GRAMD1C: variants seen among roughly 807,000 people sequenced by gnomAD.
The protein encoded by GRAMD1C is protein Aster-C.
In GRAMD1C, 89 loss-of-function variants were observed where a neutral mutation model predicts 97.8. The observed-to-expected ratio is 0.91, with a 90% CI of 0.77 to 1.09. GRAMD1C has a LOEUF of 1.09. Among genes scored for constraint, GRAMD1C ranks in the 50% least tolerant of loss-of-function variants. GRAMD1C has a pLI of 0.00. For synonymous variants in GRAMD1C, 256 were observed against 267.0 expected, an observed-to-expected ratio of 0.96 and a Z score of 0.40; for missense variants, 740 against 766.4, an observed-to-expected ratio of 0.97 and a Z score of 0.41.
chr3:113,872,414 A>C (rs1577147629), intron 3 of GRAMD1C, among the ~76,000 whole-genome samples: 1 of 75,066 alleles, frequency 1.3e-5, no homozygotes, highest in Non-Finnish European at 2.4e-5. Context: ...TTTTTTTTTG[A>C]GATAGAGTCT....
intron 10 of GRAMD1C, chr3:113,919,578 C>G: frequency 1.7e-6 from 1 of 573,990 alleles, no homozygotes; most frequent in South Asian, 1.4e-5. Flanking sequence ...CCATATGCAT[C>G]TGACATCGGT....
At chr3:113,900,104 A>G (rs1936106592) in intron 6 of GRAMD1C, among the ~76,000 whole-genome samples, 1 of 152,016 alleles carries the variant, frequency 6.6e-6, no homozygotes, top group Admixed American at 6.6e-5. Context: ...CACGCCTATA[A>G]TATCAGCATT....
chr3:113,885,761 A>C, intron 6 of GRAMD1C: 1 of 1,588,604 alleles, frequency 6.3e-7, no homozygotes, highest in Non-Finnish European at 8.6e-7. Context: ...TTAAGAGGAG[A>C]TATTACAGAC....
In GRAMD1C at chr3:113,901,096, T is replaced by A. The variant is rs1462034092; in HGVS notation, c.606T>A (p.Asn202Lys). 1 of 1,611,592 alleles carries A rather than the reference T, an allele frequency of 6.2e-7. No individual in the cohort carries two copies. The highest frequency in any genetic ancestry group is 8.5e-7 in the Non-Finnish European group (1 of 1,177,820). ...QQNYGTELGLNAEEMENLSLS... is the reference protein window; with the variant it reads ...QQNYGTELGLKAEEMENLSLS... ...ACTATGGCACTGAGCTAGGTTTAAATGCTGAGGAGATGGAAAACTTGTCAC... is the reference window on the plus strand; with the variant it reads ...ACTATGGCACTGAGCTAGGTTTAAAAGCTGAGGAGATGGAAAACTTGTCAC... The change falls in exon 7 of 18, where the codon AAT becomes AAA. Residue 202 changes from asparagine (N) to lysine (K), a missense_variant. Transcript: ENST00000358160.
chr3:113,897,838 AT>A, intron 6 of GRAMD1C: 1 of 766,776 alleles, frequency 1.3e-6, no homozygotes, highest in Non-Finnish European at 1.6e-6. Context: ...TGTGTTTAAA[AT>A]TTAGGTTGTT....
At position 113,843,106 on chromosome 3, in the gene GRAMD1C, G is replaced by C. The variant is rs945994385; in HGVS notation, c.28-1397G>C. On this transcript the variant is annotated intron_variant, in intron 1 of 17. Coordinates refer to ENST00000358160, the MANE Select transcript of GRAMD1C (RefSeq NM_017577.5). Reference sequence around the variant, plus strand: ...TGTTGTTTGTTTGAGACAGGGTTTTGCTTTGCCGGCCAGCCTGGAGTGCTG... The same window carrying C: ...TGTTGTTTGTTTGAGACAGGGTTTTCCTTTGCCGGCCAGCCTGGAGTGCTG... 6.9e-5 allele frequency among the ~76,000 whole-genome samples: 4 copies of C among 57,902 alleles called. No individual in the cohort carries two copies. In the East Asian group the frequency reaches 2.2e-3, roughly 32 times the overall value. The allele number at this position is 57,902 out of a possible 152,430, so 38.0% of individuals were successfully genotyped here. A position where few individuals can be genotyped will look rare whatever the true frequency, so the allele number is the denominator to read the frequency against.
intron 2 of GRAMD1C, among the ~76,000 whole-genome samples, chr3:113,851,200 A>C (rs1050621481): frequency 1.4e-4 from 21 of 152,212 alleles, no homozygotes; most frequent in African/African-American, 5.1e-4. Context: ...AAGTTTACTC[A>C]GGGGTCCTTT....
intron 2 of GRAMD1C, among the ~76,000 whole-genome samples, chr3:113,854,199 A>G (rs1934028334): frequency 1.3e-5 from 2 of 152,126 alleles, no homozygotes; most frequent in Non-Finnish European, 2.9e-5. Context: ...TAGAAAGGTC[A>G]GGTGGGCTAT....
Position 113,945,833 on chromosome 3 carries a change from G to A in GRAMD1C, c.*355G>A, listed in dbSNP as rs771430210. On this transcript the variant is annotated 3_prime_UTR_variant, in exon 18 of 18. Coordinates refer to ENST00000358160, the MANE Select transcript of GRAMD1C (RefSeq NM_017577.5). ...CTGATGCTTTGTTAGCACAGAATCC[G>A]TACATGTCCAATAGGTCGCTTTTGT... 20 of 194,192 alleles carry A rather than the reference G, an allele frequency of 1.0e-4. No homozygotes were observed. Among genetic ancestry groups the A allele is most frequent in the African/African-American group, 4.3e-4 (18 of 42,290 alleles). The allele number at this position is 194,192 out of a possible 1,614,324, so 12.0% of individuals were successfully genotyped here.
chr3:113,885,955 T>G, intron 6 of GRAMD1C: 1 of 1,610,910 alleles, frequency 6.2e-7, no homozygotes, highest in Non-Finnish European at 8.5e-7. Context: ...CTGCTCCCGA[T>G]GCTGGATGCC....
upstream of GRAMD1C, among the ~76,000 whole-genome samples, chr3:113,835,347 T>A (rs1709618213): frequency 6.6e-6 from 1 of 152,238 alleles, no homozygotes; most frequent in African/African-American, 2.4e-5. Flanking sequence ...TCACCTTATG[T>A]TCTATTTCAC....
At chr3:113,883,583 G>A (rs566415067) in intron 6 of GRAMD1C, among the ~76,000 whole-genome samples, 1 of 148,964 alleles carries the variant, frequency 6.7e-6, no homozygotes, top group Non-Finnish European at 1.5e-5. Flanking sequence ...GTATATAAGA[G>A]ACAAATTAGA....
chr3:113,902,346 C>A (rs1936208584), intron 7 of GRAMD1C, among the ~76,000 whole-genome samples: 1 of 151,974 alleles, frequency 6.6e-6, no homozygotes, highest in African/African-American at 2.4e-5. Context: ...TTGTATTGTT[C>A]TCCTTGAGAA....
chr3:113,848,946 TG>T (rs1212318754), intron 2 of GRAMD1C, among the ~76,000 whole-genome samples: 14 of 152,014 alleles, frequency 9.2e-5, no homozygotes, highest in Middle Eastern at 3.4e-3. Flanking sequence ...TTTATGCTTT[TG>T]CCCATTAACT....
At chr3:113,905,764 C>T (rs576647135) in intron 8 of GRAMD1C, among the ~76,000 whole-genome samples, 2 of 151,530 alleles carry the variant, frequency 1.3e-5, no homozygotes, top group Non-Finnish European at 2.9e-5. Context: ...GGTGTGATCT[C>T]AGCTCACTGC....
rs200286678 is a variant in GRAMD1C at position 113,930,733 on chromosome 3, G to T, written c.1110G>T (p.Trp370Cys). 1 of 1,597,792 alleles carries T rather than the reference G, an allele frequency of 6.3e-7. No individual in the cohort carries two copies. The highest frequency in any genetic ancestry group is 2.2e-5 in the East Asian group (1 of 44,802). The stretch of plus-strand genomic sequence containing the variant: ...TGTTAGATGTAGTATCTACCCCTTG[G>T]ACTGCAGAACTTGGAGGTGATCAGC... ...RNIIDVVSTP[W>C]TAELGGDQLR... Residue 370 changes from tryptophan (W) to cysteine (C), a missense_variant, in exon 11 of 18, where the codon TGG becomes TGT. Physicochemically the swap from Trp to Cys is radical, Grantham distance 215 (BLOSUM62 -2). Coordinates refer to ENST00000358160, the MANE Select transcript of GRAMD1C (RefSeq NM_017577.5).
intron 6 of GRAMD1C, chr3:113,890,776 C>A: frequency 1.4e-6 from 1 of 697,554 alleles, no homozygotes; most frequent in Non-Finnish European, 2.6e-6. Flanking sequence ...TGGGATATGT[C>A]CTTATAAAAA....
In GRAMD1C at chr3:113,890,629, T is replaced by C. The variant is rs555449888; in HGVS notation, c.540+7797T>C. ...GGCTACCCCACCCCAAATACTAACT[T>C]GTTGAGTGCTCAGAATCCGTGAGGT... On this transcript the variant is annotated intron_variant, in intron 6 of 17. Coordinates refer to ENST00000358160, the MANE Select transcript of GRAMD1C (RefSeq NM_017577.5). The C allele has an allele frequency of 4.8e-6, 3 of 624,546 alleles. No homozygotes were observed. In the East Asian group the frequency reaches 8.6e-5, roughly 18 times the overall value. The allele number at this position is 624,546 out of a possible 1,614,324, so 38.7% of individuals were successfully genotyped here.
At chr3:113,929,245 G>T (rs940077629) in intron 10 of GRAMD1C, among the ~76,000 whole-genome samples, 14 of 152,132 alleles carry the variant, frequency 9.2e-5, no homozygotes, top group Non-Finnish European at 1.6e-4. Context: ...ATATCAAAAT[G>T]GTTCATATGT....
Sources: allele counts gnomAD v4.1 joint callset (sites outside exome capture counted in the v4.1 genomes callset), GRCh38; gene constraint gnomAD v4.1.1; transcripts MANE v1.5; gene names NCBI Gene and HGNC (gene_info 2026-07-23, HGNC 2026-07-21).